The following ALMS1 variants were observed in gnomAD, a reference collection of about 807,000 sequenced individuals.
ALMS1 encodes centrosome-associated protein ALMS1.
A neutral mutation model predicts 352.2 loss-of-function variants in ALMS1; 271 were observed. That is an observed-to-expected ratio of 0.77 (90% CI 0.70 to 0.85). The LOEUF (loss-of-function observed/expected upper bound fraction) is 0.85, where lower values mean the gene tolerates loss of function less well. Among genes scored for constraint, ALMS1 ranks in the 40% least tolerant of loss-of-function variants. ALMS1 has a pLI of 0.00. For missense variants in ALMS1, 5,445 were observed against 4,870.7 expected, an observed-to-expected ratio of 1.12 and a Z score of -3.51; for synonymous variants, 1,865 against 1,761.2, an observed-to-expected ratio of 1.06 and a Z score of -1.48.
At chr2:73,602,540 G>A (rs1178240606) in intron 20 of ALMS1, among the ~76,000 whole-genome samples, 172 bp downstream of exon 20, 8 of 152,178 alleles carry the variant, frequency 5.3e-5, no homozygotes, top group East Asian at 3.9e-4. Flanking sequence ...CAACTTAGCC[G>A]TCAGCACATT....
intron 13 of ALMS1, among the ~76,000 whole-genome samples, chr2:73,551,329 T>G (rs1253810104): frequency 6.6e-6 from 1 of 151,978 alleles, no homozygotes; most frequent in Admixed American, 6.6e-5. Flanking sequence ...ACATCCATTC[T>G]CTTGTTTGCT....
At chr2:73,595,665 A>G (rs1334837324) in intron 16 of ALMS1, among the ~76,000 whole-genome samples, 1 of 152,202 alleles carries the variant, frequency 6.6e-6, no homozygotes, top group African/African-American at 2.4e-5. Context: ...TGAAATTGGT[A>G]GGTCATATGA....
At chr2:73,535,647 C>T (rs948010190) in intron 12 of ALMS1, among the ~76,000 whole-genome samples, 2 of 152,154 alleles carry the variant, frequency 1.3e-5, no homozygotes, top group African/African-American at 4.8e-5. Context: ...TATCCTGCAG[C>T]ATCCCTGTGA....
At chr2:73,469,393 T>C (rs1443538234) in intron 9 of ALMS1, 2 of 151,782 alleles carry the variant, frequency 1.3e-5, no homozygotes, top group Non-Finnish European at 2.9e-5. Context: ...AGCTAGAAGA[T>C]GAGAAGGAAA....
intron 11 of ALMS1, among the ~76,000 whole-genome samples, chr2:73,521,409 G>A (rs1479778265): frequency 6.6e-6 from 1 of 151,928 alleles, no homozygotes; most frequent in Non-Finnish European, 1.5e-5. Flanking sequence ...AGAGTGTGGT[G>A]TTCTCATGGT....
At chr2:73,436,633 A>ATT (rs1671608951) in intron 7 of ALMS1, among the ~76,000 whole-genome samples, 2 of 151,422 alleles carry the variant, frequency 1.3e-5, no homozygotes, top group African/African-American at 4.9e-5. Context: ...ATGTTTGCTG[A>ATT]TTTTTTTCTT....
chr2:73,399,906 A>G (rs191002158), intron 1 of ALMS1, among the ~76,000 whole-genome samples: 3 of 150,228 alleles, frequency 2.0e-5, no homozygotes, highest in East Asian at 3.9e-4. Context: ...TTTCTTCTAA[A>G]GCTTGTCAAC....
At chr2:73,481,496 G>A (rs1672702779) in intron 9 of ALMS1, among the ~76,000 whole-genome samples, 1 of 152,150 alleles carries the variant, frequency 6.6e-6, no homozygotes, top group Admixed American at 6.6e-5. Flanking sequence ...AGTATAGTTT[G>A]AAGTCAGGTA....
chr2:73,456,333 C>G (rs561197486), intron 9 of ALMS1, among the ~76,000 whole-genome samples: 5 of 152,166 alleles, frequency 3.3e-5, no homozygotes, highest in African/African-American at 1.2e-4. Flanking sequence ...TTCATTTGTT[C>G]CTTATTACTG....
Position 73,453,499 on chromosome 2 carries a change from G to A in ALMS1, c.6972G>A (p.Glu2324=), listed in dbSNP as rs2103792130. ...TGCTTCACAGACAGCCATTCACAGA[G>A]GAAAGCCCAAGCAGCAGGTGCATAC... ...GDLLHRQPFT[E]ESPSSRCIQK... Residue 2324 remains glutamate (E), a synonymous_variant, in exon 8 of 23, where the codon GAG becomes GAA. Transcript: ENST00000613296. The A allele has an allele frequency of 6.2e-7, 1 of 1,613,618 alleles. No individual in the cohort carries two copies. The highest frequency in any genetic ancestry group is 2.2e-5 in the East Asian group (1 of 44,842).
chr2:73,530,260 A>G (rs1254579532), intron 11 of ALMS1, among the ~76,000 whole-genome samples: 2 of 152,194 alleles, frequency 1.3e-5, no homozygotes, highest in Non-Finnish European at 2.9e-5. Flanking sequence ...TAGTTCCAAG[A>G]TACAGTGGGG....
intron 10 of ALMS1, among the ~76,000 whole-genome samples, chr2:73,508,711 G>T (rs1034285593): frequency 1.3e-5 from 2 of 152,246 alleles, no homozygotes; most frequent in East Asian, 3.9e-4. Context: ...TATTAGGTCT[G>T]CTTGGTCCAG....
intron 9 of ALMS1, among the ~76,000 whole-genome samples, chr2:73,481,488 T>A (rs1395813090): frequency 6.6e-6 from 1 of 152,160 alleles, no homozygotes; most frequent in Non-Finnish European, 1.5e-5. Flanking sequence ...AGCCTTGTAG[T>A]ATAGTTTGAA....
intron 7 of ALMS1, among the ~76,000 whole-genome samples, chr2:73,436,542 C>A: frequency 6.6e-6 from 1 of 152,196 alleles, no homozygotes; most frequent in East Asian, 1.9e-4. Context: ...CTAATCTTGT[C>A]TCACTGGTCT....
intron 12 of ALMS1, among the ~76,000 whole-genome samples, chr2:73,538,598 C>G (rs554518829): frequency 3.3e-5 from 5 of 152,144 alleles, no homozygotes; most frequent in African/African-American, 9.7e-5. Context: ...TCGCCTCACC[C>G]GGGAAGCGCA....
Position 73,385,943 on chromosome 2 carries a change from A to AAGAG in ALMS1, c.75_76insAGAG (p.Glu26ArgfsTer102). The AAGAG allele has an allele frequency of 1.4e-6, 1 of 735,602 alleles. No homozygotes were observed. The highest frequency in any genetic ancestry group is 2.1e-6 in the Non-Finnish European group (1 of 482,994). The allele number at this position is 735,602 out of a possible 1,614,324, so 45.6% of individuals were successfully genotyped here. Reference sequence around the variant, plus strand: ...AGGAGGAGGAGGAGGAGGAGGAGGAAGAGGAGGAGGCTGCAGCGGCGGCGG... The same window carrying AAGAG: ...AGGAGGAGGAGGAGGAGGAGGAGGAAAGAGGAGGAGGAGGCTGCAGCGGCGGCGG... On this transcript the variant is annotated frameshift_variant, in exon 1 of 23. Coordinates refer to ENST00000613296, the MANE Select transcript of ALMS1 (RefSeq NM_001378454.1). LOFTEE classifies it high-confidence loss of function.
chr2:73,496,756 A>G (rs1291274619), intron 10 of ALMS1, among the ~76,000 whole-genome samples: 1 of 152,184 alleles, frequency 6.6e-6, no homozygotes, highest in East Asian at 1.9e-4. Flanking sequence ...AATTGTCAAT[A>G]TATTTTAGCC....
intron 1 of ALMS1, among the ~76,000 whole-genome samples, chr2:73,395,203 C>G (rs1389990264): frequency 6.6e-6 from 1 of 150,396 alleles, no homozygotes; most frequent in Non-Finnish European, 1.5e-5. Flanking sequence ...TGTCAGCCTC[C>G]TGAGTAGCTG....
At chr2:73,469,655 AT>A (rs1295248432) in intron 9 of ALMS1, 5 of 151,878 alleles carry the variant, frequency 3.3e-5, no homozygotes, top group Non-Finnish European at 7.4e-5. Flanking sequence ...ATTAGGTAAC[AT>A]TATGAAGTAT....
Sources: allele counts gnomAD v4.1 joint callset (sites outside exome capture counted in the v4.1 genomes callset), GRCh38; gene constraint gnomAD v4.1.1; transcripts MANE v1.5; gene names NCBI Gene and HGNC (gene_info 2026-07-23, HGNC 2026-07-21).